KCNG3: variants seen among roughly 807,000 people sequenced by gnomAD.
KCNG3 encodes the protein voltage-gated potassium channel regulatory subunit KCNG3.
A neutral mutation model predicts 29.0 loss-of-function variants in KCNG3; 15 were observed. That is an observed-to-expected ratio of 0.52 (90% confidence interval 0.35 to 0.80). KCNG3 has a LOEUF of 0.80. Ranked by LOEUF, KCNG3 falls within the 30% of genes least tolerant of loss-of-function variation. KCNG3 has a pLI of 0.01. For missense variants in KCNG3, 512 were observed against 605.7 expected, an observed-to-expected ratio of 0.85 and a Z score of 1.62; for synonymous variants, 322 against 248.9, an observed-to-expected ratio of 1.29 and a Z score of -2.76.
chr2:42,452,241 ATATTTT>A (rs1438071387), intron 1 of KCNG3, among the ~76,000 whole-genome samples: 25 of 66,082 alleles, frequency 3.8e-4, no homozygotes, highest in African/African-American at 1.3e-3. Flanking sequence ...ATATATATAT[ATATTTT>A]TTTTTTTTTT....
At chr2:42,460,124 G>A (rs961232457) in intron 1 of KCNG3, among the ~76,000 whole-genome samples, 2 of 152,146 alleles carry the variant, frequency 1.3e-5, no homozygotes, top group Non-Finnish European at 2.9e-5. Context: ...AGCACTTTGA[G>A]AGGTTGAGGT....
In KCNG3 at chr2:42,442,311, T is replaced by A. The variant is rs894122494; in HGVS notation, c.*1623A>T. 3.3e-5 allele frequency: 5 copies of A among 152,204 alleles called. No homozygotes were observed. The highest frequency in any genetic ancestry group is 1.2e-4 in the African/African-American group (5 of 41,436). 9.4% of individuals were successfully genotyped at this position (152,204 alleles called of 1,614,324 possible). A position where few individuals can be genotyped will look rare whatever the true frequency, so the allele number is the denominator to read the frequency against. On this transcript the variant is annotated 3_prime_UTR_variant, in exon 2 of 2. Transcript: ENST00000306078. ...AGAAAACAGTTTTGCTATTATTACCTCAGCATGACAATGACAAAGAAGTGT... is the reference window on the plus strand; with the variant it reads ...AGAAAACAGTTTTGCTATTATTACCACAGCATGACAATGACAAAGAAGTGT...
At chr2:42,400,269 T>C in the KCNG3 span, among the ~76,000 whole-genome samples, 2 of 152,084 alleles carry the variant, frequency 1.3e-5, no homozygotes, top group East Asian at 1.9e-4. Flanking sequence ...ATAAAACCCA[T>C]CTGTCAAGGT....
chr2:42,451,816 CCT>C (rs1317143473), intron 1 of KCNG3, among the ~76,000 whole-genome samples: 1 of 151,802 alleles, frequency 6.6e-6, no homozygotes, highest in Non-Finnish European at 1.5e-5. Context: ...GGGAGGATCC[CCT>C]GAGCCCAGGA....
At chr2:42,490,105 CT>C (rs1418984128) in intron 1 of KCNG3, among the ~76,000 whole-genome samples, 1 of 152,196 alleles carries the variant, frequency 6.6e-6, no homozygotes, top group Non-Finnish European at 1.5e-5. Flanking sequence ...AATTCAAGGC[CT>C]TCTGTCATCT....
intron 1 of KCNG3, among the ~76,000 whole-genome samples, chr2:42,487,872 G>C (rs1673767637): frequency 6.6e-6 from 1 of 152,154 alleles, no homozygotes; most frequent in African/African-American, 2.4e-5. Context: ...TAGTGACTAT[G>C]GGCCATCTCT....
intron 1 of KCNG3, among the ~76,000 whole-genome samples, chr2:42,488,271 G>A (rs1673779231): frequency 6.6e-6 from 1 of 152,162 alleles, no homozygotes; most frequent in Admixed American, 6.5e-5. Context: ...CCAAACTTTA[G>A]ATTGTGCACT....
At chr2:42,399,185 T>G in the KCNG3 span, among the ~76,000 whole-genome samples, 2 of 151,406 alleles carry the variant, frequency 1.3e-5, no homozygotes, top group Admixed American at 6.6e-5. Context: ...GGTTTCCGAG[T>G]AGCTGGGACC....
the KCNG3 span, among the ~76,000 whole-genome samples, chr2:42,422,775 C>G: frequency 6.6e-6 from 1 of 152,202 alleles, no homozygotes; most frequent in Non-Finnish European, 1.5e-5. Flanking sequence ...TAACCTGCAT[C>G]TGCACCCTAA....
chr2:42,411,775 G>A, the KCNG3 span, among the ~76,000 whole-genome samples: 18 of 152,258 alleles, frequency 1.2e-4, no homozygotes, highest in East Asian at 1.9e-4. Context: ...GAGCTACTGC[G>A]CCCAACCAGG....
the KCNG3 span, among the ~76,000 whole-genome samples, chr2:42,420,007 G>A: frequency 6.6e-5 from 10 of 152,104 alleles, no homozygotes; most frequent in Admixed American, 1.3e-4. Flanking sequence ...CAGATCACCT[G>A]AGGTCAGGAG....
chr2:42,488,080 G>A (rs1673774054), intron 1 of KCNG3, among the ~76,000 whole-genome samples: 1 of 152,092 alleles, frequency 6.6e-6, no homozygotes, highest in Non-Finnish European at 1.5e-5. Flanking sequence ...TAGTAACTTT[G>A]GTTACATCTA....
downstream of KCNG3, among the ~76,000 whole-genome samples, chr2:42,438,290 TC>T (rs1460669073): frequency 1.3e-5 from 2 of 152,162 alleles, no homozygotes; most frequent in Non-Finnish European, 1.5e-5. Context: ...ACAAACTGCC[TC>T]CACTCTGTCA....
downstream of KCNG3, among the ~76,000 whole-genome samples, chr2:42,438,043 A>G (rs1217588897): frequency 6.6e-6 from 1 of 152,070 alleles, no homozygotes; most frequent in Non-Finnish European, 1.5e-5. Flanking sequence ...ATTACTCTCT[A>G]CTAAGAAAGT....
chr2:42,447,042 C>A (rs1672613993), intron 1 of KCNG3, among the ~76,000 whole-genome samples: 1 of 149,914 alleles, frequency 6.7e-6, no homozygotes, highest in Non-Finnish European at 1.5e-5. Context: ...CATGATCACA[C>A]CACTGCACTC....
the KCNG3 span, among the ~76,000 whole-genome samples, chr2:42,407,583 C>G: frequency 6.6e-6 from 1 of 152,280 alleles, no homozygotes; most frequent in South Asian, 2.1e-4. Flanking sequence ...CCACAGCCAT[C>G]CAAGTCATGG....
intron 1 of KCNG3, among the ~76,000 whole-genome samples, chr2:42,446,054 C>CA: frequency 6.6e-6 from 1 of 152,188 alleles, no homozygotes; most frequent in South Asian, 2.1e-4. Context: ...AAGAAGCCTG[C>CA]ATCCTGGGAG....
downstream of KCNG3, among the ~76,000 whole-genome samples, chr2:42,439,217 T>C (rs1672425138): frequency 6.6e-6 from 1 of 151,094 alleles, no homozygotes; most frequent in South Asian, 2.1e-4. Flanking sequence ...ATATTATTTT[T>C]ATTATAAAAA....
At chr2:42,423,681 C>T in the KCNG3 span, among the ~76,000 whole-genome samples, 1 of 152,090 alleles carries the variant, frequency 6.6e-6, no homozygotes, top group Non-Finnish European at 1.5e-5. Flanking sequence ...AATCTTTACC[C>T]TACCTGTAAA....
Sources: allele counts gnomAD v4.1 joint callset (sites outside exome capture counted in the v4.1 genomes callset), GRCh38; gene constraint gnomAD v4.1.1; transcripts MANE v1.5; gene names NCBI Gene and HGNC (gene_info 2026-07-23, HGNC 2026-07-21).